The following CYP39A1 variants were observed in gnomAD, a reference collection of about 807,000 sequenced individuals.
The protein encoded by CYP39A1 is 24-hydroxycholesterol 7-alpha-hydroxylase.
In CYP39A1, 49 loss-of-function variants were observed where a neutral mutation model predicts 58.1. The ratio of observed to expected loss-of-function variants is 0.84; its 90% CI spans 0.67 to 1.07. The LOEUF (loss-of-function observed/expected upper bound fraction) is 1.07, where lower values mean the gene tolerates loss of function less well. Ranked by LOEUF, CYP39A1 falls within the 50% of genes least tolerant of loss-of-function variation. CYP39A1 has a pLI of 0.00. For missense variants in CYP39A1, 531 were observed against 539.4 expected (o/e 0.98, Z 0.16); for synonymous variants, 209 against 187.6 (o/e 1.11, Z -0.93).
intron 7 of CYP39A1, among the ~76,000 whole-genome samples, chr6:46,625,032 A>G (rs2150572066): frequency 6.6e-6 from 1 of 152,310 alleles, no homozygotes; most frequent in South Asian, 2.1e-4. Flanking sequence ...CTTATGTAAT[A>G]TATGGAATAT....
At chr6:46,607,803 T>G (rs1395437086) in intron 7 of CYP39A1, among the ~76,000 whole-genome samples, 1 of 152,178 alleles carries the variant, frequency 6.6e-6, no homozygotes, top group East Asian at 1.9e-4. Context: ...CTTCCAAGAT[T>G]TAAAGAGTGC....
chr6:46,632,269 G>A (rs1383748761), intron 5 of CYP39A1, among the ~76,000 whole-genome samples: 1 of 152,146 alleles, frequency 6.6e-6, no homozygotes, highest in African/African-American at 2.4e-5. Context: ...CATTATTCTT[G>A]TCTACAAAGA....
At chr6:46,632,323 T>C (rs1356682462) in intron 5 of CYP39A1, among the ~76,000 whole-genome samples, 1 of 152,210 alleles carries the variant, frequency 6.6e-6, no homozygotes, top group African/African-American at 2.4e-5. Flanking sequence ...TAGGTGTTCC[T>C]GTAGAAGTAT....
intron 1 of CYP39A1, among the ~76,000 whole-genome samples, chr6:46,650,165 G>A (rs1156504739): frequency 6.8e-6 from 1 of 147,664 alleles, no homozygotes; most frequent in Non-Finnish European, 1.5e-5. Context: ...CCTTGAGAGG[G>A]TATGAAGAGG....
intron 7 of CYP39A1, among the ~76,000 whole-genome samples, chr6:46,601,722 T>C (rs1218616229): frequency 1.3e-5 from 2 of 151,218 alleles, no homozygotes; most frequent in Admixed American, 6.6e-5. Flanking sequence ...GGTTTCACCA[T>C]GTTGGCCAGG....
intron 8 of CYP39A1, among the ~76,000 whole-genome samples, chr6:46,595,408 A>C (rs1773087254): frequency 6.6e-6 from 1 of 152,042 alleles, no homozygotes; most frequent in East Asian, 1.9e-4. Context: ...TTAACCTTTA[A>C]AAAGAAGGAA....
intron 10 of CYP39A1, among the ~76,000 whole-genome samples, chr6:46,582,527 T>C (rs1380328657): frequency 6.6e-6 from 1 of 152,138 alleles, no homozygotes; most frequent in Non-Finnish European, 1.5e-5. Context: ...TTGATACTGC[T>C]GCATCTTAGG....
At chr6:46,606,848 C>T (rs1239927888) in intron 7 of CYP39A1, among the ~76,000 whole-genome samples, 7 of 152,116 alleles carry the variant, frequency 4.6e-5, no homozygotes, top group African/African-American at 9.7e-5. Flanking sequence ...ATTACTTTAG[C>T]CATTGATTCA....
intron 10 of CYP39A1, among the ~76,000 whole-genome samples, chr6:46,573,524 G>T (rs699945): frequency 0.93 from 141,471 of 152,204 alleles, 65,911 homozygotes; most frequent in East Asian, 1. Flanking sequence ...TCCTGGGGCC[G>T]CCTATGACAC....
rs1458606910 is a variant in CYP39A1, at chr6:46,576,903, G to C, written c.1250+10174C>G. On this transcript the variant is annotated intron_variant, in intron 10 of 11. Coordinates refer to ENST00000275016, the MANE Select transcript of CYP39A1 (RefSeq NM_016593.5). ...CCTGAAAAAGATGGAGAGAGAACAA[G>C]CAACTTGGAAAACATATTTCAGGAT... 2.0e-5 allele frequency among the ~76,000 whole-genome samples: 3 copies of C among 152,304 alleles called. No individual in the cohort carries two copies. The South Asian group carries it at 6.2e-4, about 32-fold the overall frequency.
intron 10 of CYP39A1, among the ~76,000 whole-genome samples, chr6:46,576,955 C>A (rs1191309043): frequency 2.6e-5 from 4 of 152,124 alleles, no homozygotes; most frequent in African/African-American, 9.7e-5. Flanking sequence ...TCCTCAACTT[C>A]ACTAGAGAGG....
At chr6:46,564,635 G>A (rs1771176318) in intron 10 of CYP39A1, among the ~76,000 whole-genome samples, 1 of 152,144 alleles carries the variant, frequency 6.6e-6, no homozygotes, top group South Asian at 2.1e-4. Flanking sequence ...TGCTAGTATT[G>A]GGGAAAATTG....
chr6:46,613,953 C>G (rs1430402083), intron 7 of CYP39A1, among the ~76,000 whole-genome samples: 2 of 136,838 alleles, frequency 1.5e-5, no homozygotes, highest in East Asian at 2.1e-4. Flanking sequence ...AAAAAAAAAA[C>G]CCACCACATC....
At chr6:46,635,041 C>T (rs1775893801) in intron 5 of CYP39A1, among the ~76,000 whole-genome samples, 1 of 152,162 alleles carries the variant, frequency 6.6e-6, no homozygotes, top group South Asian at 2.1e-4. Context: ...CTTCCTATTC[C>T]CTTTATTCAG....
chr6:46,644,910 G>A (rs146157366), intron 1 of CYP39A1, among the ~76,000 whole-genome samples: 255 of 152,080 alleles, frequency 1.7e-3, no homozygotes, highest in African/African-American at 5.7e-3. Context: ...ACATCTTTTC[G>A]TGTACCAATT....
chr6:46,650,100 A>G, intron 1 of CYP39A1, among the ~76,000 whole-genome samples: 1 of 149,566 alleles, frequency 6.7e-6, no homozygotes, highest in East Asian at 2.0e-4. Context: ...TGTTAAGACA[A>G]TTACTACATT....
At chr6:46,554,566 C>A (rs952176919) in intron 10 of CYP39A1, among the ~76,000 whole-genome samples, 1 of 151,962 alleles carries the variant, frequency 6.6e-6, no homozygotes, top group Non-Finnish European at 1.5e-5. Flanking sequence ...TGCACATATA[C>A]TACACTGTTT....
At chr6:46,560,973 A>C (rs1770941443) in intron 10 of CYP39A1, among the ~76,000 whole-genome samples, 3 of 152,166 alleles carry the variant, frequency 2.0e-5, no homozygotes, top group African/African-American at 7.2e-5. Context: ...AAGAAGGCAA[A>C]AAGCACCAAT....
chr6:46,599,808 T>C (rs1773380261), intron 7 of CYP39A1, among the ~76,000 whole-genome samples: 1 of 152,172 alleles, frequency 6.6e-6, no homozygotes, highest in African/African-American at 2.4e-5. Flanking sequence ...TCATTGGCTT[T>C]GTTTGCAGGT....
Sources: allele counts gnomAD v4.1 joint callset (sites outside exome capture counted in the v4.1 genomes callset), GRCh38; gene constraint gnomAD v4.1.1; transcripts MANE v1.5; gene names NCBI Gene and HGNC (gene_info 2026-07-23, HGNC 2026-07-21).